SDK2: variants seen among roughly 807,000 people sequenced by gnomAD.
SDK2 encodes the protein protein sidekick-2.
In SDK2, 105 loss-of-function variants were observed where a neutral mutation model predicts 253.9. That is an observed-to-expected ratio of 0.41 (90% CI 0.35 to 0.49). The LOEUF (loss-of-function observed/expected upper bound fraction) is 0.49. Among genes scored for constraint, SDK2 ranks in the 20% least tolerant of loss-of-function variants. The pLI, the probability that SDK2 is intolerant of heterozygous loss-of-function variation, is 0.06. For missense variants in SDK2, 2,608 were observed against 3,003.0 expected (o/e 0.87, Z 3.07); for synonymous variants, 1,249 against 1,234.9 (o/e 1.01, Z -0.24).
At chr17:73,526,736 A>C (rs988140333) in intron 1 of SDK2, among the ~76,000 whole-genome samples, 1 of 152,090 alleles carries the variant, frequency 6.6e-6, no homozygotes, top group African/African-American at 2.4e-5. Flanking sequence ...GGGTGGCAGG[A>C]TCAGCCCAAG....
At chr17:73,614,088 C>T (rs1225616988) in intron 1 of SDK2, among the ~76,000 whole-genome samples, 1 of 152,218 alleles carries the variant, frequency 6.6e-6, no homozygotes, top group Non-Finnish European at 1.5e-5. Flanking sequence ...CGGCCCCTGC[C>T]CTTCCCCAGC....
At chr17:73,592,420 A>T (rs1235895452) in intron 1 of SDK2, among the ~76,000 whole-genome samples, 2 of 152,272 alleles carry the variant, frequency 1.3e-5, no homozygotes, top group Admixed American at 6.5e-5. Flanking sequence ...ACCCAGCCAA[A>T]GAGGGAGTGT....
At position 73,395,843 on chromosome 17, in the gene SDK2, G is replaced by A. The variant is rs1349040204; in HGVS notation, c.3355-451C>T. Among the ~76,000 whole-genome samples, 2 of 152,130 alleles carry A rather than the reference G, an allele frequency of 1.3e-5. No homozygotes were observed. The highest frequency in any genetic ancestry group is 2.9e-5 in the Non-Finnish European group (2 of 68,030). On this transcript the variant is annotated intron_variant, in intron 24 of 44. Transcript: ENST00000392650. The surrounding 1 kb of genome is among the most constrained non-coding windows in gnomAD (Gnocchi z 4.3). ...CATGGGCAGAGAGCAGGATGAGTGG[G>A]GCACCTGCCAGTCAGGAAGTCCTTC...
chr17:73,483,705 A>AT lies in SDK2; in HGVS notation c.225-11488dup, dbSNP rs1266533021. 2.7e-3 allele frequency among the ~76,000 whole-genome samples: 153 copies of AT among 56,654 alleles called. 15 individuals are homozygous for AT. In the South Asian group the frequency reaches 0.027, roughly 10 times the overall value. 37.2% of individuals were successfully genotyped at this position (56,654 alleles called of 152,430 possible). The stretch of plus-strand genomic sequence containing the variant: ...TATTTATATATATATATATATATAT[A>AT]TATTTTTTTTTTTTTTTAGTAGAGT... On this transcript the variant is annotated intron_variant, in intron 2 of 44. Coordinates refer to ENST00000392650, the MANE Select transcript of SDK2 (RefSeq NM_001144952.2).
At chr17:73,524,540 G>A (rs1045845178) in intron 1 of SDK2, among the ~76,000 whole-genome samples, 1 of 152,196 alleles carries the variant, frequency 6.6e-6, no homozygotes, top group Non-Finnish European at 1.5e-5. Flanking sequence ...CAGACAGAGT[G>A]ATGTGAGAGT....
At position 73,385,884 on chromosome 17, in the gene SDK2, G is replaced by A. The variant is rs140102684; in HGVS notation, c.4532C>T (p.Thr1511Met). Residue 1511 changes from threonine to methionine, a missense_variant, in exon 32 of 45, where the codon ACG becomes ATG. By Grantham distance (81) the Thr-to-Met change is moderately conservative (BLOSUM62 -1). Coordinates refer to ENST00000392650, the MANE Select transcript of SDK2 (RefSeq NM_001144952.2). ...PDEAPTILSV[T>M]PHTTTSVLIR... ...TAGCACGGAGGTGGTGGTGTGGGGCGTCACGGAGAGGATGGTGGGTGCTTC... is the reference window on the plus strand; with the variant it reads ...TAGCACGGAGGTGGTGGTGTGGGGCATCACGGAGAGGATGGTGGGTGCTTC... 2.1e-5 allele frequency: 33 copies of A among 1,608,798 alleles called. No homozygotes were observed. Among genetic ancestry groups the A allele is most frequent in the South Asian group, 1.8e-4 (16 of 89,400 alleles).
In SDK2 at chr17:73,541,204, G is replaced by A. The variant is rs951208247; in HGVS notation, c.65-33607C>T. ...AGAGGCAGCTGGGCCCCAGAGGGCT[G>A]GGGCAGCAGTGAAGGGAGGTGCCCG... On this transcript the variant is annotated intron_variant, in intron 1 of 44. Coordinates refer to ENST00000392650, the MANE Select transcript of SDK2 (RefSeq NM_001144952.2). The surrounding 1 kb of genome is among the most constrained non-coding windows in gnomAD (Gnocchi z 4.3). 1.3e-5 allele frequency among the ~76,000 whole-genome samples: 2 copies of A among 152,198 alleles called. No homozygotes were observed. The highest frequency in any genetic ancestry group is 4.8e-5 in the African/African-American group (2 of 41,450).
At chr17:73,449,718 C>T (rs527884490) in intron 4 of SDK2, among the ~76,000 whole-genome samples, 10 of 148,710 alleles carry the variant, frequency 6.7e-5, no homozygotes, top group Non-Finnish European at 1.2e-4. Flanking sequence ...GTCGGGGGTT[C>T]GAGACCATAC....
Position 73,368,572 on chromosome 17 carries a change from G to T in SDK2, c.5002C>A (p.Arg1668=), listed in dbSNP as rs201886541. 1.9e-6 allele frequency: 3 copies of T among 1,591,744 alleles called. No homozygotes were observed. Among genetic ancestry groups the T allele is most frequent in the Non-Finnish European group, 2.6e-6 (3 of 1,169,998 alleles). ...TTCACTCGCTCTGTGAGGTTCCCCC[G>T]CTGGGCTTCCCAGAAATAAATCTGT... The part of the protein sequence containing the change: ...GYKIYFWEAQ[R]GNLTERVKTL... Residue 1668 remains arginine (R), a synonymous_variant, in exon 37 of 45, where the codon CGG becomes AGG. Transcript: ENST00000392650.
intron 1 of SDK2, among the ~76,000 whole-genome samples, chr17:73,640,551 G>A (rs750954359): frequency 1.0e-3 from 156 of 152,322 alleles, no homozygotes; most frequent in Admixed American, 1.6e-3. Flanking sequence ...AGGCAAGCAC[G>A]ACACTCGGCC....
intron 2 of SDK2, among the ~76,000 whole-genome samples, chr17:73,502,694 G>T (rs1344563619): frequency 6.6e-6 from 1 of 152,218 alleles, no homozygotes. Flanking sequence ...AGGAATACAA[G>T]AAAATCTCCT....
At chr17:73,591,404 C>T (rs1049775355) in intron 1 of SDK2, among the ~76,000 whole-genome samples, 1 of 152,164 alleles carries the variant, frequency 6.6e-6, no homozygotes, top group African/African-American at 2.4e-5. Flanking sequence ...CTGCCCTGAG[C>T]TCTCTGCTCC....
intron 1 of SDK2, among the ~76,000 whole-genome samples, chr17:73,619,488 A>G (rs2046102719): frequency 6.6e-6 from 1 of 152,214 alleles, no homozygotes; most frequent in South Asian, 2.1e-4. Flanking sequence ...CTCAATGGGG[A>G]AAAAACATGT....
chr17:73,412,097 TATATGTATACGTA>T (rs758925924), intron 18 of SDK2, among the ~76,000 whole-genome samples: 58,853 of 127,106 alleles, frequency 0.46, 14,585 homozygotes, highest in Non-Finnish European at 0.55. Context: ...TATATACGTA[TATATGTATACGTA>T]TATATGTATA....
rs940299693 is a variant in SDK2 at position 73,481,020 on chromosome 17, C to T, written c.225-8802G>A. On this transcript the variant is annotated intron_variant, in intron 2 of 44. Coordinates refer to ENST00000392650, the MANE Select transcript of SDK2 (RefSeq NM_001144952.2). This position sits in a 1 kb window ranked among gnomAD's most constrained non-coding sequence, Gnocchi z 4.5. Reference sequence around the variant, plus strand: ...TGTGGATGGTACTTGGGGAAGGATGCTGTGCTCCTGGCTGGGAGGCTACAG... The same window carrying T: ...TGTGGATGGTACTTGGGGAAGGATGTTGTGCTCCTGGCTGGGAGGCTACAG... Among the ~76,000 whole-genome samples the T allele has an allele frequency of 1.3e-5, 2 of 152,218 alleles. No homozygotes were observed. Among genetic ancestry groups the T allele is most frequent in the Non-Finnish European group, 2.9e-5 (2 of 68,036 alleles).
intron 12 of SDK2, among the ~76,000 whole-genome samples, chr17:73,426,874 C>T (rs2063288120): frequency 6.6e-6 from 1 of 152,090 alleles, no homozygotes; most frequent in Non-Finnish European, 1.5e-5. Flanking sequence ...ATCATGAGGT[C>T]AGGAGATTGA....
chr17:73,552,200 C>G (rs572279235), intron 1 of SDK2, among the ~76,000 whole-genome samples: 4 of 152,332 alleles, frequency 2.6e-5, no homozygotes, highest in African/African-American at 9.6e-5. Context: ...AAACTCTCGT[C>G]TATAATTACC....
At chr17:73,571,014 A>G (rs2045377840) in intron 1 of SDK2, among the ~76,000 whole-genome samples, 1 of 151,504 alleles carries the variant, frequency 6.6e-6, no homozygotes. Context: ...AACTCCAGAG[A>G]ACGAACTCTG....
rs1341021826 is a variant in SDK2, at chr17:73,435,844, T to C, written c.1001-200A>G. Among the ~76,000 whole-genome samples the C allele has an allele frequency of 6.6e-6, 1 of 152,178 alleles. No homozygotes were observed. Among genetic ancestry groups the C allele is most frequent in the Non-Finnish European group, 1.5e-5 (1 of 68,024 alleles). On this transcript the variant is annotated intron_variant, in intron 8 of 44. Coordinates refer to ENST00000392650, the MANE Select transcript of SDK2 (RefSeq NM_001144952.2). This position sits in a 1 kb window ranked among gnomAD's most constrained non-coding sequence, Gnocchi z 5.7. ...CTTTGAGTGGTAATTCTCAAAGTCT[T>C]TGGGACAGAGTAAAGATCCGGGAAT... is the stretch of plus-strand genomic sequence containing the variant.
Sources: gnomAD v4.1 joint callset for allele counts (sites outside exome capture counted in the v4.1 genomes callset) on GRCh38, gnomAD v4.1.1 for gene constraint, Gnocchi (gnomAD v3.1) non-coding constraint, MANE v1.5 for transcripts, NCBI Gene and HGNC (gene_info 2026-07-23, HGNC 2026-07-21) for gene names.